The following CNTNAP4 variants were observed in gnomAD, a reference collection of about 807,000 sequenced individuals.
CNTNAP4 encodes contactin associated protein family member 4, also known as contactin-associated protein-like 4.
In CNTNAP4, 98 loss-of-function variants were observed where a neutral mutation model predicts 148.4. The ratio of observed to expected loss-of-function variants is 0.66; its 90% confidence interval spans 0.56 to 0.78. CNTNAP4 has a LOEUF of 0.78. CNTNAP4 is among the 30% of genes least tolerant of loss of function. CNTNAP4 has a pLI of 0.00. For missense variants in CNTNAP4, 1,935 were observed against 1,565.6 expected, an observed-to-expected ratio of 1.24 and a Z score of -3.98; for synonymous variants, 730 against 565.1, an observed-to-expected ratio of 1.29 and a Z score of -4.14.
chr16:76,403,259 A>AT (rs2078483562), intron 3 of CNTNAP4, among the ~76,000 whole-genome samples: 1 of 151,702 alleles, frequency 6.6e-6, no homozygotes, highest in Non-Finnish European at 1.5e-5. Context: ...CACCTGGCAA[A>AT]TTTTTTTGTA....
intron 1 of CNTNAP4, among the ~76,000 whole-genome samples, chr16:76,298,916 T>G (rs1394396388): frequency 1.3e-5 from 2 of 152,140 alleles, no homozygotes; most frequent in Non-Finnish European, 2.9e-5. Context: ...AATCAGTTCC[T>G]CTTTAATGAT....
intron 13 of CNTNAP4, among the ~76,000 whole-genome samples, chr16:76,493,998 A>G (rs1404913407): frequency 6.6e-6 from 1 of 152,222 alleles, no homozygotes; most frequent in Non-Finnish European, 1.5e-5. Flanking sequence ...AAAATGGTCA[A>G]GCACCTTTGA....
Position 76,448,920 on chromosome 16 carries a change from G to T in CNTNAP4, c.896G>T (p.Gly299Val). ...DEHRHHFHARGEFNLMNLDYE... is the reference protein window; with the variant it reads ...DEHRHHFHARVEFNLMNLDYE... ...CACAGGCATCATTTCCATGCACGGG[G>T]AGAATTCAATCTCATGAATCTTGAT... The change falls in exon 6 of 24, where the codon GGA (glycine) becomes GTA (valine). Residue 299 changes from glycine (G) to valine (V), a missense_variant. Transcript: ENST00000611870. The T allele has an allele frequency of 6.2e-7, 1 of 1,613,694 alleles. No individual in the cohort carries two copies. Among genetic ancestry groups the T allele is most frequent in the Non-Finnish European group, 8.5e-7 (1 of 1,179,786 alleles).
At chr16:76,525,027 C>T (rs559969076) in intron 17 of CNTNAP4, among the ~76,000 whole-genome samples, 1 of 151,882 alleles carries the variant, frequency 6.6e-6, no homozygotes, top group African/African-American at 2.4e-5. Flanking sequence ...TGTCAAAACA[C>T]CACATGAGGG....
intron 4 of CNTNAP4, among the ~76,000 whole-genome samples, chr16:76,443,281 AC>A (rs1247915432): frequency 1.3e-5 from 2 of 152,160 alleles, no homozygotes; most frequent in African/African-American, 4.8e-5. Context: ...TTTTACTGTT[AC>A]AAATTTTGTT....
At chr16:76,406,728 G>A (rs1376005862) in intron 3 of CNTNAP4, among the ~76,000 whole-genome samples, 1 of 152,154 alleles carries the variant, frequency 6.6e-6, no homozygotes, top group Non-Finnish European at 1.5e-5. Context: ...TTAAGCCAAA[G>A]CCTGATCAAG....
intron 7 of CNTNAP4, among the ~76,000 whole-genome samples, chr16:76,450,292 A>T (rs2080412244): frequency 6.6e-6 from 1 of 151,872 alleles, no homozygotes; most frequent in East Asian, 1.9e-4. Flanking sequence ...TGGGACTTGT[A>T]GTCCTGCCAA....
At chr16:76,282,091 C>A (rs1958711131) in intron 1 of CNTNAP4, among the ~76,000 whole-genome samples, 1 of 151,750 alleles carries the variant, frequency 6.6e-6, no homozygotes, top group Non-Finnish European at 1.5e-5. Flanking sequence ...ATAAATTATA[C>A]TTCTATGATA....
intron 1 of CNTNAP4, among the ~76,000 whole-genome samples, chr16:76,300,065 A>G (rs943149433): frequency 6.6e-5 from 10 of 152,148 alleles, no homozygotes; most frequent in African/African-American, 2.4e-4. Context: ...TAATGGGTGC[A>G]GCACACCAAC....
chr16:76,511,096 TG>T (rs1349564184), intron 15 of CNTNAP4, among the ~76,000 whole-genome samples: 1 of 152,200 alleles, frequency 6.6e-6, no homozygotes, highest in Admixed American at 6.5e-5. Context: ...TTTGCAAATG[TG>T]GTCTGAATTT....
Position 76,520,047 on chromosome 16 carries a change from ATCTT to A in CNTNAP4, c.2366-1088_2366-1085del, listed in dbSNP as rs775484432. Among the ~76,000 whole-genome samples, 10 of 152,340 alleles carry A rather than the reference ATCTT, an allele frequency of 6.6e-5. No individual in the cohort carries two copies. In the South Asian group the frequency reaches 1.9e-3, roughly 28 times the overall value. On this transcript the variant is annotated intron_variant, in intron 15 of 23. Coordinates refer to ENST00000611870, the MANE Select transcript of CNTNAP4 (RefSeq NM_033401.5). The stretch of plus-strand genomic sequence containing the variant: ...TTTTCCAACATCAGAGGATCAACAC[ATCTT>A]TCTTCCAGGAAGGTAATTTAGATAG...
At chr16:76,338,057 A>C (rs972732042) in intron 2 of CNTNAP4, among the ~76,000 whole-genome samples, 2 of 152,202 alleles carry the variant, frequency 1.3e-5, no homozygotes, top group African/African-American at 4.8e-5. Flanking sequence ...GGTGACATAC[A>C]TCCTAAGCTT....
At chr16:76,369,017 C>G (rs938704939) in intron 3 of CNTNAP4, among the ~76,000 whole-genome samples, 3 of 149,882 alleles carry the variant, frequency 2.0e-5, no homozygotes, top group African/African-American at 7.4e-5. Context: ...AAAAATAAAG[C>G]CTTAGTTTTT....
At chr16:76,351,516 C>T (rs2011760594) in intron 2 of CNTNAP4, among the ~76,000 whole-genome samples, 2 of 152,196 alleles carry the variant, frequency 1.3e-5, no homozygotes, top group South Asian at 4.1e-4. Context: ...TGTGCATCTG[C>T]AGAGCTGCGC....
At chr16:76,547,608 T>C (rs1307422834) in intron 21 of CNTNAP4, among the ~76,000 whole-genome samples, 1 of 152,214 alleles carries the variant, frequency 6.6e-6, no homozygotes, top group African/African-American at 2.4e-5. Context: ...CAAAACTCAT[T>C]GTAAATTTCA....
intron 3 of CNTNAP4, among the ~76,000 whole-genome samples, chr16:76,380,091 T>G (rs954478621): frequency 6.6e-6 from 1 of 152,238 alleles, no homozygotes; most frequent in African/African-American, 2.4e-5. Context: ...AACGCAAGTC[T>G]GTTGTAGTAT....
At chr16:76,314,688 G>C (rs777100334) in intron 1 of CNTNAP4, among the ~76,000 whole-genome samples, 1 of 152,090 alleles carries the variant, frequency 6.6e-6, no homozygotes, top group Non-Finnish European at 1.5e-5. Context: ...TAAGCATCTG[G>C]AGGCTAGGAA....
At chr16:76,350,727 G>C (rs1402237292) in intron 2 of CNTNAP4, among the ~76,000 whole-genome samples, 1 of 152,144 alleles carries the variant, frequency 6.6e-6, no homozygotes, top group African/African-American at 2.4e-5. Context: ...GAAATCAATA[G>C]GCACTTAATA....
chr16:76,471,722 T>C (rs2081384509), intron 10 of CNTNAP4, among the ~76,000 whole-genome samples: 1 of 152,180 alleles, frequency 6.6e-6, no homozygotes, highest in South Asian at 2.1e-4. Flanking sequence ...TCCAGTTGAT[T>C]TGAAGATCGT....
Sources: allele counts gnomAD v4.1 joint callset (sites outside exome capture counted in the v4.1 genomes callset), GRCh38; gene constraint gnomAD v4.1.1; transcripts MANE v1.5; gene names NCBI Gene and HGNC (gene_info 2026-07-23, HGNC 2026-07-21).